Variants in DPYSL2 observed in about 807,000 individuals in gnomAD.
DPYSL2 encodes the protein dihydropyrimidinase-related protein 2.
In DPYSL2, 13 loss-of-function variants were observed where a neutral mutation model predicts 69.9. The ratio of observed to expected loss-of-function variants is 0.19; its 90% CI spans 0.12 to 0.30. The LOEUF (loss-of-function observed/expected upper bound fraction) is 0.30, where lower values mean the gene tolerates loss of function less well. Among genes scored for constraint, DPYSL2 ranks in the 10% least tolerant of loss-of-function variants. DPYSL2 has a pLI of 1.00. For missense variants in DPYSL2, 587 were observed against 918.9 expected (o/e 0.64, Z 4.67); for synonymous variants, 326 against 359.1 (o/e 0.91, Z 1.04).
At chr8:26,616,136 G>A (rs1228453829) in intron 3 of DPYSL2, among the ~76,000 whole-genome samples, 1 of 152,204 alleles carries the variant, frequency 6.6e-6, no homozygotes, top group African/African-American at 2.4e-5. Context: ...AAGTCACATG[G>A]TGAGGAAGTG....
At position 26,587,734 on chromosome 8, in the gene DPYSL2, C is replaced by T. The variant is rs953033515; in HGVS notation, c.628+3751C>T. Among the ~76,000 whole-genome samples, 1 of 152,172 alleles carries T rather than the reference C, an allele frequency of 6.6e-6. No individual in the cohort carries two copies. The highest frequency in any genetic ancestry group is 1.5e-5 in the Non-Finnish European group (1 of 68,040). On this transcript the variant is annotated intron_variant, in intron 3 of 13. Transcript: ENST00000521913. This position sits in a 1 kb window ranked among gnomAD's most constrained non-coding sequence, Gnocchi z 4.2. Reference sequence around the variant, plus strand: ...GGGCAGAGACTGCAGACATACCCTGCAGGCGGCATCCAGACCGGCTGAGGG... The same window carrying T: ...GGGCAGAGACTGCAGACATACCCTGTAGGCGGCATCCAGACCGGCTGAGGG...
At chr8:26,561,267 C>G (rs748610013) in intron 1 of DPYSL2, among the ~76,000 whole-genome samples, 2 of 152,236 alleles carry the variant, frequency 1.3e-5, no homozygotes, top group African/African-American at 2.4e-5. Context: ...TCTGGCCACT[C>G]CTGAGTCTTC....
chr8:26,657,426 A>T lies in DPYSL2; in HGVS notation c.*1720A>T, dbSNP rs929146515. On this transcript the variant is annotated 3_prime_UTR_variant, in exon 14 of 14. Coordinates refer to ENST00000521913, the MANE Select transcript of DPYSL2 (RefSeq NM_001197293.3). The stretch of plus-strand genomic sequence containing the variant: ...TATTTGCAGGCTTTTCTGAATACCA[A>T]ATCTGCTTTTTGTAAAGCGTAAAAA... 1.3e-5 allele frequency: 2 copies of T among 152,652 alleles called. No homozygotes were observed. Among genetic ancestry groups the T allele is most frequent in the African/African-American group, 4.8e-5 (2 of 41,442 alleles). The allele number at this position is 152,652 out of a possible 1,614,324, so 9.5% of individuals were successfully genotyped here.
At chr8:26,515,048 C>A (rs941091260) in intron 1 of DPYSL2, among the ~76,000 whole-genome samples, 2 of 152,216 alleles carry the variant, frequency 1.3e-5, no homozygotes, top group African/African-American at 4.8e-5. Context: ...GCTGGGTGCC[C>A]CACCCTTTTT....
chr8:26,641,948 C>T lies in DPYSL2; in HGVS notation c.1127-1491C>T, dbSNP rs187215012. The stretch of plus-strand genomic sequence containing the variant: ...GTGTATCATCAAGTGATAAGGCCTT[C>T]GGAAAGGCTGTGGAGAGGAAGGAAA... On this transcript the variant is annotated intron_variant, in intron 8 of 13. Coordinates refer to ENST00000521913, the MANE Select transcript of DPYSL2 (RefSeq NM_001197293.3). This position sits in a 1 kb window ranked among gnomAD's most constrained non-coding sequence, Gnocchi z 4.1. Among the ~76,000 whole-genome samples the T allele has an allele frequency of 5.9e-5, 9 of 152,230 alleles. No homozygotes were observed. The highest frequency in any genetic ancestry group is 2.1e-4 in the South Asian group (1 of 4,822).
rs1022572872 is a variant in DPYSL2 at position 26,517,906 on chromosome 8, C to A, written c.354+3227C>A. On this transcript the variant is annotated intron_variant, in intron 1 of 13. Transcript: ENST00000521913. The surrounding 1 kb of genome is among the most constrained non-coding windows in gnomAD (Gnocchi z 4.2). ...TGCCTGTGTTGAATCTCTTCTGGCCCTGGGAGCCCAGTGCTGTGCTGCCCT... is the reference window on the plus strand; with the variant it reads ...TGCCTGTGTTGAATCTCTTCTGGCCATGGGAGCCCAGTGCTGTGCTGCCCT... Among the ~76,000 whole-genome samples the A allele has an allele frequency of 6.6e-6, 1 of 152,206 alleles. No homozygotes were observed. Among genetic ancestry groups the A allele is most frequent in the Non-Finnish European group, 1.5e-5 (1 of 68,038 alleles).
At chr8:26,575,444 GGTAAGAAATGC>G (rs1267010733) in intron 1 of DPYSL2, among the ~76,000 whole-genome samples, 2 of 151,808 alleles carry the variant, frequency 1.3e-5, no homozygotes, top group African/African-American at 4.8e-5. Context: ...TGGTAAATAT[GGTAAGAAATGC>G]AGGTTGCAGA....
intron 1 of DPYSL2, among the ~76,000 whole-genome samples, chr8:26,515,139 ACGGCCGCTCCCTACAGCCTCCGCCCG>A (rs972993778): frequency 2.6e-5 from 4 of 151,952 alleles, no homozygotes; most frequent in Non-Finnish European, 5.9e-5. Flanking sequence ...GGGGGTTCGG[ACGGCCGCTCCCTACAGCCTCCGCCCG>A]CGCCTTCTGC....
At chr8:26,639,591 G>A (rs929892279) in intron 8 of DPYSL2, among the ~76,000 whole-genome samples, 1 of 152,214 alleles carries the variant, frequency 6.6e-6, no homozygotes, top group African/African-American at 2.4e-5. Flanking sequence ...TGGTGCTTGA[G>A]CTGGGAATTT....
chr8:26,624,096 G>A lies in DPYSL2; in HGVS notation c.629-47G>A, dbSNP rs1170769573. The A allele has an allele frequency of 6.2e-7, 1 of 1,607,122 alleles. No homozygotes were observed. ...GTGGGAAAATACCTGCTGGCCCACG[G>A]CCCTTGAGGCTCTTGGTGATGATGA... is the stretch of plus-strand genomic sequence containing the variant. On this transcript the variant is annotated intron_variant, in intron 3 of 13. Transcript: ENST00000521913. The surrounding 1 kb of genome is among the most constrained non-coding windows in gnomAD (Gnocchi z 4.7).
Position 26,644,104 on chromosome 8 carries a change from G to A in DPYSL2, c.1425+13G>A. 1 of 1,613,436 alleles carries A rather than the reference G, an allele frequency of 6.2e-7. No individual in the cohort carries two copies. Among genetic ancestry groups the A allele is most frequent in the Non-Finnish European group, 8.5e-7 (1 of 1,179,590 alleles). The stretch of plus-strand genomic sequence containing the variant: ...GGACAAGGCTGTGGTAAGGAGCGAT[G>A]GCCTCACTCCTTGGTGGCTCTCAGC... On this transcript the variant is annotated intron_variant, in intron 10 of 13. Transcript: ENST00000521913. This position sits in a 1 kb window ranked among gnomAD's most constrained non-coding sequence, Gnocchi z 4.5.
Position 26,571,850 on chromosome 8 carries a change from C to A in DPYSL2, c.355-10119C>A, listed in dbSNP as rs896391355. Among the ~76,000 whole-genome samples the A allele has an allele frequency of 2.6e-5, 4 of 152,196 alleles. No individual in the cohort carries two copies. Among genetic ancestry groups the A allele is most frequent in the Non-Finnish European group, 5.9e-5 (4 of 68,030 alleles). Reference sequence around the variant, plus strand: ...GGAAGGCAGTGGGCAGGTTCCGATCCAATCTGCAGTCTCTGACCCTTCAGA... The same window carrying A: ...GGAAGGCAGTGGGCAGGTTCCGATCAAATCTGCAGTCTCTGACCCTTCAGA... On this transcript the variant is annotated intron_variant, in intron 1 of 13. Coordinates refer to ENST00000521913, the MANE Select transcript of DPYSL2 (RefSeq NM_001197293.3). The surrounding 1 kb of genome is among the most constrained non-coding windows in gnomAD (Gnocchi z 6.1).
At position 26,585,747 on chromosome 8, in the gene DPYSL2, C is replaced by T. The variant is rs943350485; in HGVS notation, c.628+1764C>T. ...GCCAAGTCAGGGTGATCATCTGCCT[C>T]AGTTTGGAGTTCACAGGGAGACCCT... On this transcript the variant is annotated intron_variant, in intron 3 of 13. Coordinates refer to ENST00000521913, the MANE Select transcript of DPYSL2 (RefSeq NM_001197293.3). The surrounding 1 kb of genome is among the most constrained non-coding windows in gnomAD (Gnocchi z 4.0). Among the ~76,000 whole-genome samples the T allele has an allele frequency of 6.6e-6, 1 of 152,166 alleles. No homozygotes were observed. Among genetic ancestry groups the T allele is most frequent in the Non-Finnish European group, 1.5e-5 (1 of 68,032 alleles).
intron 3 of DPYSL2, among the ~76,000 whole-genome samples, chr8:26,590,310 C>T (rs1213389303): frequency 7.2e-5 from 11 of 152,302 alleles, no homozygotes; most frequent in Non-Finnish European, 2.9e-5. Context: ...CTGTGCTCCT[C>T]CCCTTGTCCC....
At position 26,605,124 on chromosome 8, in the gene DPYSL2, C is replaced by T. The variant is rs1309549381; in HGVS notation, c.629-19019C>T. Among the ~76,000 whole-genome samples the T allele has an allele frequency of 6.6e-6, 1 of 152,122 alleles. No homozygotes were observed. The highest frequency in any genetic ancestry group is 1.5e-5 in the Non-Finnish European group (1 of 68,018). On this transcript the variant is annotated intron_variant, in intron 3 of 13. Coordinates refer to ENST00000521913, the MANE Select transcript of DPYSL2 (RefSeq NM_001197293.3). The surrounding 1 kb of genome is among the most constrained non-coding windows in gnomAD (Gnocchi z 4.1). ...TTCCATTTAACATCAGGTCCCTGGC[C>T]ATGGGACTTGGGCAGGAGCACCAGG...
chr8:26,633,195 A>G (rs1235804819), intron 7 of DPYSL2, among the ~76,000 whole-genome samples: 3 of 152,226 alleles, frequency 2.0e-5, no homozygotes, highest in Non-Finnish European at 4.4e-5. Flanking sequence ...ATCAGACAGG[A>G]CATTGGGAGC....
chr8:26,647,281 G>A lies in DPYSL2; in HGVS notation c.1426-349G>A, dbSNP rs1474101592. 1.1e-4 allele frequency among the ~76,000 whole-genome samples: 16 copies of A among 152,308 alleles called. No homozygotes were observed. Among genetic ancestry groups the A allele is most frequent in the African/African-American group, 3.6e-4 (15 of 41,582 alleles). On this transcript the variant is annotated intron_variant, in intron 10 of 13. Transcript: ENST00000521913. This position sits in a 1 kb window ranked among gnomAD's most constrained non-coding sequence, Gnocchi z 5.1. ...ATGTGTGGGTATAGCTCTAGGCTGT[G>A]TGGCCACCTGTGGAGTCATGTGACC...
chr8:26,525,898 GTTATT>G (rs1490079693), intron 1 of DPYSL2, among the ~76,000 whole-genome samples: 9 of 151,974 alleles, frequency 5.9e-5, no homozygotes, highest in African/African-American at 1.9e-4. Context: ...TATATATTGA[GTTATT>G]TTAAGACACA....
At position 26,653,146 on chromosome 8, in the gene DPYSL2, C is replaced by T. The variant is rs943720870; in HGVS notation, c.1777-86C>T. The T allele has an allele frequency of 1.3e-6, 2 of 1,483,288 alleles. No homozygotes were observed. The highest frequency in any genetic ancestry group is 1.8e-4 in the Middle Eastern group (1 of 5,520). 91.9% of individuals were successfully genotyped at this position (1,483,288 alleles called of 1,614,324 possible). A position where few individuals can be genotyped will look rare whatever the true frequency, so the allele number is the denominator to read the frequency against. ...GAGAGCCCTCCATCCCTAGATCTCA[C>T]AGGCCCATCCTCCCTCCAGGAGGGT... On this transcript the variant is annotated intron_variant, in intron 12 of 13. Coordinates refer to ENST00000521913, the MANE Select transcript of DPYSL2 (RefSeq NM_001197293.3). The surrounding 1 kb of genome is among the most constrained non-coding windows in gnomAD (Gnocchi z 5.7).
Sources: gnomAD v4.1 joint callset for allele counts (sites outside exome capture counted in the v4.1 genomes callset) on GRCh38, gnomAD v4.1.1 for gene constraint, Gnocchi (gnomAD v3.1) non-coding constraint, MANE v1.5 for transcripts, NCBI Gene and HGNC (gene_info 2026-07-23, HGNC 2026-07-21) for gene names.